Variants in NME9 observed in about 807,000 individuals in gnomAD.
NME9 encodes thioredoxin domain-containing protein 6.
In NME9, 48 loss-of-function variants were observed where a neutral mutation model predicts 44.4. That is an observed-to-expected ratio of 1.08 (90% CI 0.86 to 1.37). NME9 has a LOEUF of 1.37. Among genes scored for constraint, NME9 ranks in the 40% most tolerant of loss-of-function variants. NME9 has a pLI of 0.00. For synonymous variants in NME9, 139 were observed against 147.1 expected (o/e 0.94, Z 0.40); for missense variants, 325 against 405.2 (o/e 0.80, Z 1.70).
intron 8 of NME9, chr3:138,272,912 T>A (rs115956877): frequency 7.5e-7 from 1 of 1,324,604 alleles, no homozygotes. Context: ...TATTAAAATA[T>A]AATTTAATAA....
At chr3:138,299,560 C>T (rs1399302734), downstream of NME9, among the ~76,000 whole-genome samples, 2 of 152,148 alleles carry the variant, frequency 1.3e-5, no homozygotes, top group African/African-American at 4.8e-5. Context: ...CCCCTTACAC[C>T]CCATTCCCCT....
At chr3:138,273,032 G>C (rs1466958985) in intron 8 of NME9, 1 of 1,613,144 alleles carries the variant, frequency 6.2e-7, no homozygotes, top group Admixed American at 1.7e-5. Flanking sequence ...GTACTGAACA[G>C]CTATTCCGGT....
intron 8 of NME9, chr3:138,284,463 G>C: frequency 6.2e-7 from 1 of 1,613,754 alleles, no homozygotes; most frequent in Non-Finnish European, 8.5e-7. Context: ...TAGCGGATGG[G>C]ACAACAGCAA....
At chr3:138,288,014 A>T (rs1044915629) in intron 8 of NME9, 5 of 168,016 alleles carry the variant, frequency 3.0e-5, no homozygotes, top group African/African-American at 9.6e-5. Context: ...ATTTAGAAGA[A>T]TAGGAGGCTC....
intron 8 of NME9, chr3:138,287,659 A>G (rs1483059438): frequency 2.2e-6 from 1 of 456,592 alleles, no homozygotes; most frequent in African/African-American, 2.0e-5. Flanking sequence ...TCTCCTTAAA[A>G]GTGTTGGCAG....
intron 6 of NME9, among the ~76,000 whole-genome samples, chr3:138,307,398 C>G (rs921571177): frequency 2.6e-5 from 4 of 152,204 alleles, no homozygotes; most frequent in Non-Finnish European, 5.9e-5. Flanking sequence ...GTTATCTACA[C>G]TCTCCACAGA....
chr3:138,305,938 TATAAGCATA>T (rs1292709972), intron 8 of NME9, 57 bp downstream of exon 8: 8 of 1,054,440 alleles, frequency 7.6e-6, no homozygotes, highest in Non-Finnish European at 8.9e-6. Flanking sequence ...GATATCAATC[TATAAGCATA>T]ATGTTGGAGG....
At chr3:138,278,919 T>G (rs2049586121) in intron 8 of NME9, among the ~76,000 whole-genome samples, 2 of 152,228 alleles carry the variant, frequency 1.3e-5, no homozygotes, top group South Asian at 4.1e-4. Context: ...CCAAAGTCAC[T>G]TTAAGTTATT....
intron 8 of NME9, among the ~76,000 whole-genome samples, chr3:138,290,382 T>C (rs1373533630): frequency 6.6e-6 from 1 of 151,598 alleles, no homozygotes; most frequent in Non-Finnish European, 1.5e-5. Flanking sequence ...TGTCAGAGAG[T>C]CCAAGCATGA....
intron 4 of NME9, among the ~76,000 whole-genome samples, chr3:138,317,459 T>C (rs529830223): frequency 6.6e-6 from 1 of 152,286 alleles, no homozygotes; most frequent in African/African-American, 2.4e-5. Context: ...GCAGGTGGCC[T>C]AAACCTAGGA....
At position 138,318,030 on chromosome 3, in the gene NME9, G is replaced by T. The variant is rs572108203; in HGVS notation, c.267+118C>A. 31 of 707,974 alleles carry T rather than the reference G, an allele frequency of 4.4e-5. No individual in the cohort carries two copies. The Admixed American group carries it at 4.4e-4, about 10-fold the overall frequency. 43.9% of individuals were successfully genotyped at this position (707,974 alleles called of 1,614,324 possible). A position where few individuals can be genotyped will look rare whatever the true frequency, so the allele number is the denominator to read the frequency against. On this transcript the variant is annotated intron_variant, in intron 4 of 10. Coordinates refer to ENST00000333911, the MANE Select transcript of NME9 (RefSeq NM_001349018.2). ...AGCATCACTTGTTTGAATCTGTGAGGCCTCTTGGTGGTTCCCATTAATTCT... is the reference window on the plus strand; with the variant it reads ...AGCATCACTTGTTTGAATCTGTGAGTCCTCTTGGTGGTTCCCATTAATTCT...
At position 138,301,371 on chromosome 3, in the gene NME9, T is replaced by C; in HGVS notation, c.*269A>G. 2 of 521,078 alleles carry C rather than the reference T, an allele frequency of 3.8e-6. No individual in the cohort carries two copies. The highest frequency in any genetic ancestry group is 5.7e-6 in the Non-Finnish European group (2 of 348,588). The allele number at this position is 521,078 out of a possible 1,614,324, so 32.3% of individuals were successfully genotyped here. A position where few individuals can be genotyped will look rare whatever the true frequency, so the allele number is the denominator to read the frequency against. On this transcript the variant is annotated 3_prime_UTR_variant, in exon 11 of 11. Coordinates refer to ENST00000333911, the MANE Select transcript of NME9 (RefSeq NM_001349018.2). ...GGTGCACACCACCACGCCCGGCTAA[T>C]TTTTTGTATTTTTAGTAGAGACAGG...
chr3:138,287,751 A>G (rs1393146530), intron 8 of NME9: 15 of 455,094 alleles, frequency 3.3e-5, no homozygotes, highest in East Asian at 1.4e-4. Context: ...TAGTTGAAAT[A>G]TAGTCCTACA....
chr3:138,275,001 C>G (rs545176495), intron 8 of NME9, among the ~76,000 whole-genome samples: 106 of 152,306 alleles, frequency 7.0e-4, no homozygotes, highest in African/African-American at 2.4e-3. Flanking sequence ...TTCCTCATCC[C>G]ATAACCCTAC....
At chr3:138,284,533 C>G (rs143879950) in intron 8 of NME9, 1,355 of 1,586,296 alleles carry the variant, frequency 8.5e-4, no homozygotes, top group Non-Finnish European at 1.1e-3. Flanking sequence ...CATGGTGAGC[C>G]CTTGTCCCCT....
chr3:138,262,543 G>A lies in NME9; in HGVS notation c.789C>T (p.Asp263=), dbSNP rs201579352. Reference sequence around the variant, plus strand: ...CAGACTTCTGAATCCTCTCATTTTAGTCTAGGTCAGTGATCTTCAACCTTG... The same window carrying A: ...CAGACTTCTGAATCCTCTCATTTTAATCTAGGTCAGTGATCTTCAACCTTG... The change falls in exon 9 of 9, where the codon GAC becomes GAT. Residue 263 remains aspartate (D), a synonymous_variant. Transcript: ENST00000317876. 3.7e-6 allele frequency: 6 copies of A among 1,611,914 alleles called. No individual in the cohort carries two copies. In the East Asian group the frequency reaches 1.1e-4, roughly 30 times the overall value.
downstream of NME9, chr3:138,296,133 CT>C (rs753305052): frequency 2.2e-6 from 1 of 452,250 alleles, no homozygotes. Context: ...TACTCGGACT[CT>C]TTATTAGAAC....
chr3:138,308,892 T>C (rs1022390379), intron 6 of NME9, among the ~76,000 whole-genome samples: 5 of 123,872 alleles, frequency 4.0e-5, no homozygotes, highest in Non-Finnish European at 6.3e-5. Context: ...GGCTTCTCAA[T>C]AGAAACTATA....
chr3:138,265,397 T>C (rs570957700), intron 8 of NME9, among the ~76,000 whole-genome samples: 91 of 152,338 alleles, frequency 6.0e-4, no homozygotes, highest in South Asian at 1.0e-3. Context: ...AGTGATCATA[T>C]ACCTTGCATT....
Sources: gnomAD v4.1 joint callset for allele counts (sites outside exome capture counted in the v4.1 genomes callset) on GRCh38, gnomAD v4.1.1 for gene constraint, MANE v1.5 for transcripts, NCBI Gene and HGNC (gene_info 2026-07-23, HGNC 2026-07-21) for gene names.